FGF14: variants seen among roughly 807,000 people sequenced by gnomAD.
FGF14 encodes the protein fibroblast growth factor 14.
Under a neutral mutation model 25.5 loss-of-function variants are expected in FGF14, and 5 were observed. That is an observed-to-expected ratio of 0.20 (90% confidence interval 0.10 to 0.41). The LOEUF is 0.41. FGF14 is among the 10% of genes least tolerant of loss of function. FGF14 has a pLI of 1.00. For missense variants in FGF14, 222 were observed against 320.1 expected (o/e 0.69, Z 2.34); for synonymous variants, 138 against 118.3 (o/e 1.17, Z -1.08).
chr13:102,022,184 G>C (rs2040692875), intron 1 of FGF14, among the ~76,000 whole-genome samples: 2 of 151,812 alleles, frequency 1.3e-5, no homozygotes, highest in South Asian at 4.2e-4. Flanking sequence ...TTTTTAATCT[G>C]GGCAAGAAAT....
chr13:101,853,920 A>T (rs1245834205), intron 3 of FGF14, among the ~76,000 whole-genome samples: 1 of 152,056 alleles, frequency 6.6e-6, no homozygotes, highest in Non-Finnish European at 1.5e-5. Context: ...TCATTATGTG[A>T]CCTCAAAATT....
At chr13:101,924,718 T>C (rs1393491131) in intron 1 of FGF14, among the ~76,000 whole-genome samples, 6 of 152,200 alleles carry the variant, frequency 3.9e-5, no homozygotes, top group Non-Finnish European at 8.8e-5. Flanking sequence ...GATCTCTATT[T>C]TACAGAAGAG....
At position 101,818,479 on chromosome 13, in the gene FGF14, T is replaced by C. The variant is rs370075132; in HGVS notation, c.408+50246A>G. ...ATAATTGTGAAAGACCATTGAAAAA[T>C]AGGTATATATGTGCTATAGTCAACT... On this transcript the variant is annotated intron_variant, in intron 3 of 4. Transcript: ENST00000376143. 2.7e-4 allele frequency among the ~76,000 whole-genome samples: 41 copies of C among 152,178 alleles called. 1 individual carries two copies. Among genetic ancestry groups the C allele is most frequent in the East Asian group, 1.2e-3 (6 of 5,176 alleles).
chr13:102,163,517 A>C (rs537133969), intron 1 of FGF14, among the ~76,000 whole-genome samples: 3 of 152,280 alleles, frequency 2.0e-5, no homozygotes, highest in Admixed American at 2.0e-4. Context: ...CGATGAACTT[A>C]AGAAATGCTC....
chr13:101,797,774 T>TGTGTGTGC (rs1566914284), intron 3 of FGF14, among the ~76,000 whole-genome samples: 41 of 147,428 alleles, frequency 2.8e-4, no homozygotes, highest in African/African-American at 9.1e-4. Context: ...TGTGTGTGTG[T>TGTGTGTGC]GTGTGTGTTC....
At chr13:101,783,296 C>A (rs2039621102) in intron 3 of FGF14, among the ~76,000 whole-genome samples, 1 of 152,002 alleles carries the variant, frequency 6.6e-6, no homozygotes, top group Admixed American at 6.6e-5. Context: ...ATGGGAAAAC[C>A]CTGTTTCTAC....
intron 1 of FGF14, among the ~76,000 whole-genome samples, chr13:102,223,748 T>C (rs1329364552): frequency 7.2e-5 from 11 of 152,182 alleles, no homozygotes; most frequent in Non-Finnish European, 1.6e-4. Context: ...GCTACCACAG[T>C]TTACCAGCAT....
intron 1 of FGF14, among the ~76,000 whole-genome samples, chr13:102,049,845 G>A (rs1419556452): frequency 6.6e-6 from 1 of 152,092 alleles, no homozygotes; most frequent in African/African-American, 2.4e-5. Flanking sequence ...AGAGATTGAT[G>A]GCAAACAACC....
intron 1 of FGF14, among the ~76,000 whole-genome samples, chr13:102,151,920 G>A (rs755188413): frequency 6.6e-6 from 1 of 152,044 alleles, no homozygotes; most frequent in Admixed American, 6.6e-5. Flanking sequence ...TTTCATAAAT[G>A]TTAGCTCAAT....
At chr13:101,945,819 G>A (rs1328857245) in intron 1 of FGF14, among the ~76,000 whole-genome samples, 1 of 152,182 alleles carries the variant, frequency 6.6e-6, no homozygotes, top group East Asian at 1.9e-4. Context: ...AGGATGCAGT[G>A]TTTAACGCCC....
chr13:101,832,094 C>T (rs2042698113), intron 3 of FGF14, among the ~76,000 whole-genome samples: 1 of 152,018 alleles, frequency 6.6e-6, no homozygotes, highest in Non-Finnish European at 1.5e-5. Context: ...TAAGTTCCAT[C>T]ACATATGTCT....
In FGF14 at chr13:101,931,059, G is replaced by A. The variant is rs539094856; in HGVS notation, c.209-55763C>T. On this transcript the variant is annotated intron_variant, in intron 1 of 4. Coordinates refer to the FGF14 transcript ENST00000376131. ...AGTCATCTTTCACTTATTGCCCATCGGAACAAAATATTTATCCTTCTTCCA... is the reference window on the plus strand; with the variant it reads ...AGTCATCTTTCACTTATTGCCCATCAGAACAAAATATTTATCCTTCTTCCA... Among the ~76,000 whole-genome samples the A allele has an allele frequency of 6.2e-4, 94 of 152,192 alleles. 1 individual carries two copies. The highest frequency in any genetic ancestry group is 2.1e-3 in the African/African-American group (86 of 41,526).
intron 1 of FGF14, chr13:102,292,867 C>G (rs2054499522): frequency 6.6e-6 from 1 of 152,216 alleles, no homozygotes; most frequent in Non-Finnish European, 1.5e-5. Flanking sequence ...CATGTGACAT[C>G]TGGACCTCTC....
intron 1 of FGF14, among the ~76,000 whole-genome samples, chr13:102,015,915 T>C (rs540326312): frequency 7.9e-5 from 12 of 152,190 alleles, no homozygotes; most frequent in South Asian, 6.2e-4. Context: ...TATTAAAAAA[T>C]TGCAAAAACC....
intron 1 of FGF14, among the ~76,000 whole-genome samples, chr13:102,094,896 C>T (rs887294796): frequency 1.3e-5 from 2 of 152,060 alleles, no homozygotes; most frequent in Non-Finnish European, 2.9e-5. Flanking sequence ...GTCTACTCAC[C>T]CCCAAACACA....
chr13:102,141,302 T>C (rs544974952), intron 1 of FGF14, among the ~76,000 whole-genome samples: 17 of 152,322 alleles, frequency 1.1e-4, no homozygotes, highest in African/African-American at 4.1e-4. Flanking sequence ...AGATGTTCAG[T>C]GGAGCCATGA....
intron 1 of FGF14, among the ~76,000 whole-genome samples, chr13:102,321,541 T>C (rs1016912211): frequency 3.9e-5 from 6 of 152,176 alleles, no homozygotes; most frequent in Admixed American, 2.0e-4. Flanking sequence ...TGATAAATTC[T>C]TGTTAGTGGC....
At chr13:102,250,975 T>G (rs147657419) in intron 1 of FGF14, among the ~76,000 whole-genome samples, 2 of 152,228 alleles carry the variant, frequency 1.3e-5, no homozygotes, top group African/African-American at 4.8e-5. Context: ...GCATCTTACA[T>G]ACACGAATTT....
chr13:102,122,054 T>C (rs973115360), intron 1 of FGF14, among the ~76,000 whole-genome samples: 1 of 152,200 alleles, frequency 6.6e-6, no homozygotes, highest in African/African-American at 2.4e-5. Context: ...ATTACACAAA[T>C]TCATGGGATA....
Sources: allele counts gnomAD v4.1 joint callset (sites outside exome capture counted in the v4.1 genomes callset), GRCh38; gene constraint gnomAD v4.1.1; transcripts MANE v1.5; gene names NCBI Gene and HGNC (gene_info 2026-07-23, HGNC 2026-07-21).